Variants in LRP1B observed in about 807,000 individuals in gnomAD.
LRP1B encodes the protein low-density lipoprotein receptor-related protein 1B.
In LRP1B, 217 loss-of-function variants were observed where a neutral mutation model predicts 556.6. The ratio of observed to expected loss-of-function variants is 0.39; its 90% CI spans 0.35 to 0.44. LRP1B has a LOEUF of 0.44. Among genes scored for constraint, LRP1B ranks in the 20% least tolerant of loss-of-function variants. The pLI is 1.00. For missense variants in LRP1B, 5,053 were observed against 5,620.8 expected (o/e 0.90, Z 3.23); for synonymous variants, 2,047 against 1,865.8 (o/e 1.10, Z -2.50).
chr2:141,233,549 G>T (rs1683547453), intron 5 of LRP1B, among the ~76,000 whole-genome samples: 1 of 151,984 alleles, frequency 6.6e-6, no homozygotes, highest in Non-Finnish European at 1.5e-5. Context: ...ATTTGACCAG[G>T]TTCATAAAAA....
At chr2:141,432,567 T>C (rs1680600490) in intron 3 of LRP1B, among the ~76,000 whole-genome samples, 2 of 151,546 alleles carry the variant, frequency 1.3e-5, no homozygotes. Flanking sequence ...GGGCCTTTCT[T>C]TGTGGAAAAT....
At chr2:141,120,206 T>A (rs1323701103) in intron 7 of LRP1B, among the ~76,000 whole-genome samples, 1 of 151,934 alleles carries the variant, frequency 6.6e-6, no homozygotes, top group Admixed American at 6.6e-5. Context: ...ATTTACTTTA[T>A]ATGAAATACT....
At chr2:142,086,649 A>AAAAC (rs1454848744) in intron 1 of LRP1B, among the ~76,000 whole-genome samples, 2 of 151,932 alleles carry the variant, frequency 1.3e-5, no homozygotes, top group Non-Finnish European at 2.9e-5. Context: ...ACAAAAAAAA[A>AAAAC]ACACAACTTG....
chr2:141,954,664 T>G lies in LRP1B; in HGVS notation c.83-144263A>C, dbSNP rs1039504836. On this transcript the variant is annotated intron_variant, in intron 1 of 90. Coordinates refer to ENST00000389484, the MANE Select transcript of LRP1B (RefSeq NM_018557.3). ...TATGTATTGTCTTAATCGTTGTTAC[T>G]ATTTCCATTTCCTCTTAATATAAAC... 3.9e-5 allele frequency among the ~76,000 whole-genome samples: 6 copies of G among 152,264 alleles called. No homozygotes were observed. The East Asian group carries it at 1.2e-3, about 29-fold the overall frequency.
chr2:140,444,300 G>C, intron 65 of LRP1B, 30 bp downstream of exon 65: 1 of 1,612,716 alleles, frequency 6.2e-7, no homozygotes, highest in South Asian at 1.1e-5. Context: ...TCAAAGTTAA[G>C]ACAAGACAGA....
At chr2:140,518,579 G>A (rs1474178553) in intron 49 of LRP1B, among the ~76,000 whole-genome samples, 1 of 152,124 alleles carries the variant, frequency 6.6e-6, no homozygotes, top group African/African-American at 2.4e-5. Context: ...GTTGTAAACA[G>A]AAAATTAAGA....
At chr2:141,247,133 A>T in intron 5 of LRP1B, 93 bp downstream of exon 5, 1 of 1,419,232 alleles carries the variant, frequency 7.0e-7, no homozygotes, top group Non-Finnish European at 9.8e-7. Context: ...TTCAAAGTCC[A>T]TATTTCTGCT....
chr2:141,977,662 ATTAG>A (rs1486912101), intron 1 of LRP1B, among the ~76,000 whole-genome samples: 2 of 152,198 alleles, frequency 1.3e-5, no homozygotes, highest in Admixed American at 6.6e-5. Flanking sequence ...GGGTTTGGAC[ATTAG>A]TTAAACAATC....
chr2:141,994,142 G>T (rs569670280), intron 1 of LRP1B, among the ~76,000 whole-genome samples: 1 of 152,260 alleles, frequency 6.6e-6, no homozygotes, highest in South Asian at 2.1e-4. Context: ...GCTTGAATGT[G>T]CCTGTTCAGA....
intron 11 of LRP1B, among the ~76,000 whole-genome samples, chr2:141,048,615 A>G (rs1698947373): frequency 6.6e-6 from 1 of 152,108 alleles, no homozygotes; most frequent in Non-Finnish European, 1.5e-5. Context: ...GACATGATCA[A>G]TAGTCTAATG....
chr2:141,330,993 C>T (rs1448513715), intron 3 of LRP1B, among the ~76,000 whole-genome samples: 1 of 152,094 alleles, frequency 6.6e-6, no homozygotes, highest in Non-Finnish European at 1.5e-5. Flanking sequence ...CTCCTGACCT[C>T]GTGATCCGTC....
intron 1 of LRP1B, among the ~76,000 whole-genome samples, chr2:142,007,261 A>C (rs553616917): frequency 6.6e-6 from 1 of 152,318 alleles, no homozygotes; most frequent in South Asian, 2.1e-4. Context: ...AATTGGAAGC[A>C]AAATGCTGTA....
At chr2:141,473,206 TAA>T (rs1490722560) in intron 3 of LRP1B, among the ~76,000 whole-genome samples, 1 of 152,172 alleles carries the variant, frequency 6.6e-6, no homozygotes, top group Non-Finnish European at 1.5e-5. Context: ...TTTATAAAAC[TAA>T]GTCCCTGAAA....
intron 3 of LRP1B, among the ~76,000 whole-genome samples, chr2:141,452,178 A>T (rs1681445963): frequency 6.6e-6 from 1 of 152,120 alleles, no homozygotes; most frequent in Non-Finnish European, 1.5e-5. Flanking sequence ...TGAACTAAGG[A>T]GGCTGGAAAA....
At position 140,648,843 on chromosome 2, in the gene LRP1B, C is replaced by T. The variant is rs189717765; in HGVS notation, c.6800-47204G>A. 3.2e-4 allele frequency among the ~76,000 whole-genome samples: 48 copies of T among 152,160 alleles called. 1 individual carries two copies. The East Asian group carries it at 5.4e-3, about 17-fold the overall frequency. ...TTAATTGTAATGTGGAGCCTTTAAGCAGAAAAGTGGCATAACCCCTCACAC... is the reference window on the plus strand; with the variant it reads ...TTAATTGTAATGTGGAGCCTTTAAGTAGAAAAGTGGCATAACCCCTCACAC... On this transcript the variant is annotated intron_variant, in intron 41 of 90. Coordinates refer to ENST00000389484, the MANE Select transcript of LRP1B (RefSeq NM_018557.3).
At chr2:140,509,083 A>ACAAACAC (rs1558931371) in intron 52 of LRP1B, among the ~76,000 whole-genome samples, 3,711 of 148,870 alleles carry the variant, frequency 0.025, 81 homozygotes, top group Non-Finnish European at 0.036. Context: ...CACACACACA[A>ACAAACAC]ACACACACAC....
intron 80 of LRP1B, among the ~76,000 whole-genome samples, chr2:140,325,198 G>A: frequency 6.6e-6 from 1 of 151,884 alleles, no homozygotes; most frequent in Non-Finnish European, 1.5e-5. Flanking sequence ...AAGGGAGCTG[G>A]AAATATGAGA....
intron 18 of LRP1B, among the ~76,000 whole-genome samples, chr2:140,957,266 G>C (rs754964416): frequency 4.0e-5 from 6 of 151,600 alleles, no homozygotes; most frequent in Non-Finnish European, 7.4e-5. Flanking sequence ...AGAGGAGAAG[G>C]AGTGCTTCTA....
intron 41 of LRP1B, among the ~76,000 whole-genome samples, chr2:140,694,325 T>C (rs986008862): frequency 1.3e-5 from 2 of 152,180 alleles, no homozygotes; most frequent in African/African-American, 4.8e-5. Context: ...GACTTTATAT[T>C]CCTAAAACAA....
Sources: allele counts gnomAD v4.1 joint callset (sites outside exome capture counted in the v4.1 genomes callset), GRCh38; gene constraint gnomAD v4.1.1; transcripts MANE v1.5; gene names NCBI Gene and HGNC (gene_info 2026-07-23, HGNC 2026-07-21).